Variants in PDE3B observed in about 807,000 individuals in gnomAD.
The protein encoded by PDE3B is cGMP-inhibited 3',5'-cyclic phosphodiesterase 3B.
In PDE3B, 66 loss-of-function variants were observed where a neutral mutation model predicts 116.8. The observed-to-expected ratio is 0.56, with a 90% CI of 0.46 to 0.69. The LOEUF is 0.69. PDE3B is among the 30% of genes least tolerant of loss of function. The pLI is 0.00. For synonymous variants in PDE3B, 595 were observed against 533.6 expected (o/e 1.12, Z -1.59); for missense variants, 1,384 against 1,368.1 (o/e 1.01, Z -0.18).
chr11:14,892,370 A>G, the PDE3B span: 2 of 666,524 alleles, frequency 3.0e-6, no homozygotes, highest in East Asian at 5.4e-5. Flanking sequence ...ACTACCTTCT[A>G]GTTTTGCGCG....
At chr11:14,684,169 A>G (rs1854793001) in intron 1 of PDE3B, among the ~76,000 whole-genome samples, 2 of 152,170 alleles carry the variant, frequency 1.3e-5, no homozygotes, top group South Asian at 2.1e-4. Flanking sequence ...TTGTTTTTCA[A>G]AGTTTGAAAG....
At chr11:14,772,020 A>G (rs1028941832) in intron 2 of PDE3B, 33 bp downstream of exon 2, 2 of 876,666 alleles carry the variant, frequency 2.3e-6, no homozygotes, top group African/African-American at 3.5e-5. Context: ...ATGAATATCT[A>G]AATAATATCT....
chr11:14,681,269 C>A (rs552444810), intron 1 of PDE3B, among the ~76,000 whole-genome samples: 178 of 152,208 alleles, frequency 1.2e-3, no homozygotes, highest in African/African-American at 4.0e-3. Context: ...TGCTTTTGTA[C>A]CACTGTGATA....
At chr11:14,731,822 T>C (rs1229107728) in intron 1 of PDE3B, among the ~76,000 whole-genome samples, 1 of 152,180 alleles carries the variant, frequency 6.6e-6, no homozygotes, top group East Asian at 1.9e-4. Context: ...ACTTAAGTGC[T>C]GGAGATACCT....
intron 1 of PDE3B, among the ~76,000 whole-genome samples, chr11:14,699,535 C>G (rs1477916826): frequency 2.0e-5 from 3 of 151,800 alleles, no homozygotes; most frequent in Non-Finnish European, 3.0e-5. Context: ...GGTTTTCTAA[C>G]AATTGTTTCC....
At chr11:14,767,308 A>G (rs1443085154) in intron 1 of PDE3B, among the ~76,000 whole-genome samples, 1 of 151,580 alleles carries the variant, frequency 6.6e-6, no homozygotes, top group African/African-American at 2.4e-5. Flanking sequence ...ATTACCAGTC[A>G]GAAAGAAATC....
At position 14,644,743 on chromosome 11, in the gene PDE3B, T is replaced by A; in HGVS notation, c.668T>A (p.Leu223Gln). The change falls in exon 1 of 16, where the codon CTG becomes CAG. Residue 223 changes from leucine to glutamine, a missense_variant. Transcript: ENST00000282096. ...CGGCTCCGGCACTGCGTTCTGGTGCTGCTCCTGGCCAGCTTCGTCTGGTGG... is the reference window on the plus strand; with the variant it reads ...CGGCTCCGGCACTGCGTTCTGGTGCAGCTCCTGGCCAGCTTCGTCTGGTGG... ...PLRLRHCVLV[L>Q]LLASFVWWVS... The A allele has an allele frequency of 6.3e-7, 1 of 1,581,450 alleles. No individual in the cohort carries two copies. Among genetic ancestry groups the A allele is most frequent in the Non-Finnish European group, 8.6e-7 (1 of 1,164,918 alleles).
intron 1 of PDE3B, among the ~76,000 whole-genome samples, chr11:14,685,378 A>G (rs190478878): frequency 3.3e-4 from 48 of 146,808 alleles, no homozygotes; most frequent in African/African-American, 9.7e-4. Context: ...TAAACCTACT[A>G]TGTATTTGAT....
At chr11:14,890,343 G>T in the PDE3B span, 1 of 350,678 alleles carries the variant, frequency 2.9e-6, no homozygotes, top group Non-Finnish European at 4.0e-6. Context: ...ATACCAAAGA[G>T]ATGAAATATA....
Position 14,644,254 on chromosome 11 carries a change from G to GGCC in PDE3B, c.187_189dup (p.Pro63dup). On this transcript the variant is annotated inframe_insertion, in exon 1 of 16. Transcript: ENST00000282096. ...TGCCGCTTCTGCAACGTGGAGCTGC[G>GGCC]GCCGCCGCCGGCCTCTCCCCAGCAG... 6.4e-7 allele frequency: 1 copy of GGCC among 1,566,408 alleles called. No homozygotes were observed. The highest frequency in any genetic ancestry group is 8.6e-7 in the Non-Finnish European group (1 of 1,164,222).
chr11:14,806,791 G>A (rs546501970), intron 5 of PDE3B, among the ~76,000 whole-genome samples: 20 of 145,348 alleles, frequency 1.4e-4, no homozygotes, highest in African/African-American at 4.3e-4. Flanking sequence ...CCCGGGAGGC[G>A]GAGCTTGCAG....
intron 2 of PDE3B, chr11:14,772,721 A>G (rs1304154434): frequency 6.6e-6 from 1 of 151,970 alleles, no homozygotes; most frequent in Non-Finnish European, 1.5e-5. Flanking sequence ...TATATCAGAT[A>G]AAATGAAAAT....
chr11:14,673,766 G>T (rs1391777415), intron 1 of PDE3B: 1 of 780,398 alleles, frequency 1.3e-6, no homozygotes, highest in Non-Finnish European at 2.4e-6. Flanking sequence ...GTAATCTCAG[G>T]AGATGTGGCA....
chr11:14,666,034 A>G (rs984161494), intron 1 of PDE3B, among the ~76,000 whole-genome samples: 1 of 152,246 alleles, frequency 6.6e-6, no homozygotes, highest in African/African-American at 2.4e-5. Context: ...TTCAAACTAT[A>G]CTACAAGGCT....
At chr11:14,873,400 G>A (rs117595077), downstream of PDE3B, among the ~76,000 whole-genome samples, 1,257 of 152,278 alleles carry the variant, frequency 8.3e-3, 18 homozygotes, top group South Asian at 0.033. Context: ...CATAGGGAGT[G>A]CTTGGTGATA....
chr11:14,852,944 C>A (rs1555005469), intron 12 of PDE3B, among the ~76,000 whole-genome samples: 1 of 151,746 alleles, frequency 6.6e-6, no homozygotes, highest in East Asian at 1.9e-4. Flanking sequence ...CACCTTACCC[C>A]TAGTAAATGA....
intron 7 of PDE3B, among the ~76,000 whole-genome samples, chr11:14,828,033 T>C (rs1246375793): frequency 6.6e-6 from 1 of 152,172 alleles, no homozygotes; most frequent in Admixed American, 6.5e-5. Flanking sequence ...CATTTGATCT[T>C]TGACAAAGCC....
downstream of PDE3B, among the ~76,000 whole-genome samples, chr11:14,876,114 G>A (rs1590208896): frequency 6.6e-6 from 1 of 152,110 alleles, no homozygotes; most frequent in Non-Finnish European, 1.5e-5. Flanking sequence ...GTTCAACTTA[G>A]GCTCTTAGAG....
intron 1 of PDE3B, among the ~76,000 whole-genome samples, chr11:14,731,879 G>A (rs956812036): frequency 6.6e-6 from 1 of 152,172 alleles, no homozygotes; most frequent in Non-Finnish European, 1.5e-5. Context: ...TACACTTATA[G>A]AGGGAAGTAG....
Sources: gnomAD v4.1 joint callset for allele counts (sites outside exome capture counted in the v4.1 genomes callset) on GRCh38, gnomAD v4.1.1 for gene constraint, MANE v1.5 for transcripts, NCBI Gene and HGNC (gene_info 2026-07-23, HGNC 2026-07-21) for gene names.